RALGAPA1: variants seen among roughly 807,000 people sequenced by gnomAD.
RALGAPA1 encodes Ral GTPase activating protein catalytic subunit alpha 1.
RALGAPA1 carries 52 observed loss-of-function variants against 269.6 expected under a neutral mutation model. That is an observed-to-expected ratio of 0.19 (90% CI 0.15 to 0.24). RALGAPA1 has a LOEUF of 0.24. Among genes scored for constraint, RALGAPA1 ranks in the 10% least tolerant of loss-of-function variants. The probability of loss-of-function intolerance (pLI) is 1.00; values close to 1 mark genes in which losing one functional copy is unlikely to be tolerated. For synonymous variants in RALGAPA1, 817 were observed against 1,008.3 expected (o/e 0.81, Z 3.60); for missense variants, 1,917 against 3,013.9 (o/e 0.64, Z 8.52).
chr14:35,790,593 C>T (rs1452600767), intron 1 of RALGAPA1, among the ~76,000 whole-genome samples: 4 of 147,622 alleles, frequency 2.7e-5, no homozygotes, highest in African/African-American at 5.0e-5. Flanking sequence ...GAGGCTGAGG[C>T]GGGGGAATTG....
chr14:35,669,045 T>C (rs2064184220), intron 26 of RALGAPA1, among the ~76,000 whole-genome samples: 1 of 152,164 alleles, frequency 6.6e-6, no homozygotes, highest in African/African-American at 2.4e-5. Flanking sequence ...ATCTCCATTT[T>C]TACTTAAACA....
chr14:35,779,338 C>A (rs1401331994), intron 1 of RALGAPA1, among the ~76,000 whole-genome samples: 1 of 151,844 alleles, frequency 6.6e-6, no homozygotes. Context: ...TCAGCCTGGG[C>A]AACACATTGA....
chr14:35,659,094 C>G (rs902250297), intron 28 of RALGAPA1, 44 bp downstream of exon 28: 4 of 1,450,764 alleles, frequency 2.8e-6, no homozygotes, highest in African/African-American at 1.4e-5. Flanking sequence ...TCTAAACTTC[C>G]AAACACAAAA....
At chr14:35,753,623 A>T (rs915259298) in intron 7 of RALGAPA1, among the ~76,000 whole-genome samples, 2 of 152,218 alleles carry the variant, frequency 1.3e-5, no homozygotes, top group African/African-American at 4.8e-5. Context: ...TTAACATGAA[A>T]TGTCCAGAAT....
At chr14:35,547,984 C>G (rs1594512970) in intron 41 of RALGAPA1, among the ~76,000 whole-genome samples, 1 of 138,712 alleles carries the variant, frequency 7.2e-6, no homozygotes, top group East Asian at 2.2e-4. Flanking sequence ...ATAAAGAAAA[C>G]TTATTTAATA....
At chr14:35,552,036 A>T (rs1326116718) in intron 39 of RALGAPA1, among the ~76,000 whole-genome samples, 1 of 152,136 alleles carries the variant, frequency 6.6e-6, no homozygotes, top group Non-Finnish European at 1.5e-5. Flanking sequence ...TTAGCTTGGT[A>T]AAATAACTAT....
intron 35 of RALGAPA1, among the ~76,000 whole-genome samples, chr14:35,624,604 AAAG>A (rs2060875242): frequency 6.6e-6 from 1 of 152,180 alleles, no homozygotes; most frequent in Non-Finnish European, 1.5e-5. Context: ...AGAAAAAAAA[AAAG>A]GCTTTTCTCA....
At chr14:35,594,077 C>T (rs1177366312) in intron 37 of RALGAPA1, among the ~76,000 whole-genome samples, 1 of 151,976 alleles carries the variant, frequency 6.6e-6, no homozygotes, top group East Asian at 1.9e-4. Flanking sequence ...GGCATTTCCA[C>T]ACGGAAAAGA....
chr14:35,567,255 G>C (rs1365789578), intron 39 of RALGAPA1, among the ~76,000 whole-genome samples: 2 of 151,908 alleles, frequency 1.3e-5, no homozygotes, highest in Non-Finnish European at 2.9e-5. Flanking sequence ...TGATGAAGTA[G>C]GCCTGAAAAA....
chr14:35,581,497 A>G (rs1435131320), intron 37 of RALGAPA1, among the ~76,000 whole-genome samples: 1 of 152,168 alleles, frequency 6.6e-6, no homozygotes, highest in East Asian at 1.9e-4. Flanking sequence ...ATACATATAG[A>G]GCTGAAACAT....
chr14:35,719,163 T>C (rs1206618629), intron 16 of RALGAPA1, among the ~76,000 whole-genome samples: 3 of 152,046 alleles, frequency 2.0e-5, no homozygotes, highest in African/African-American at 7.2e-5. Context: ...ATCCCATCTC[T>C]ACTAAAAATA....
intron 35 of RALGAPA1, among the ~76,000 whole-genome samples, chr14:35,614,212 C>G (rs12588288): frequency 6.6e-6 from 1 of 152,072 alleles, no homozygotes; most frequent in Admixed American, 6.5e-5. Flanking sequence ...TATCATCCAG[C>G]AATTCTACTC....
intron 4 of RALGAPA1, chr14:35,766,080 T>G: frequency 8.4e-7 from 1 of 1,190,094 alleles, no homozygotes; most frequent in South Asian, 1.2e-5. Context: ...CATATCGGCA[T>G]TCACATGCTA....
chr14:35,600,954 T>C (rs1420483338), intron 36 of RALGAPA1, among the ~76,000 whole-genome samples: 1 of 152,240 alleles, frequency 6.6e-6, no homozygotes, highest in East Asian at 1.9e-4. Flanking sequence ...GTTTGAAGAC[T>C]CTGCTGTATG....
At chr14:35,711,603 A>T (rs1403971272) in intron 16 of RALGAPA1, among the ~76,000 whole-genome samples, 1 of 152,034 alleles carries the variant, frequency 6.6e-6, no homozygotes, top group Admixed American at 6.6e-5. Context: ...GTGAGCCACC[A>T]CACCTGACTA....
chr14:35,605,561 A>G (rs1357216602), intron 36 of RALGAPA1, 25 bp downstream of exon 36: 3 of 1,561,308 alleles, frequency 1.9e-6, no homozygotes, highest in Non-Finnish European at 2.6e-6. Flanking sequence ...AAATATAAAT[A>G]TTTCGTATAA....
chr14:35,599,641 C>T (rs568696187), intron 36 of RALGAPA1, among the ~76,000 whole-genome samples: 2 of 152,106 alleles, frequency 1.3e-5, no homozygotes, highest in East Asian at 1.9e-4. Flanking sequence ...CCAGCTTCGT[C>T]GGGAGGCTGA....
chr14:35,655,903 A>C lies in RALGAPA1; in HGVS notation c.5400T>G (p.Leu1800=). Residue 1800 remains leucine, a synonymous_variant, in exon 29 of 42, where the codon CTT becomes CTG. Coordinates refer to ENST00000680220, the MANE Select transcript of RALGAPA1 (RefSeq NM_001346249.2). ...EPSGPARCVA[L]CSLGIWICEE... ...CACAAATCCAAATACCTAAACTACA[A>C]AGTGCTACACATCTGCAAAAAAGGC... is the stretch of plus-strand genomic sequence containing the variant. 1 of 1,613,414 alleles carries C rather than the reference A, an allele frequency of 6.2e-7. No individual in the cohort carries two copies. The highest frequency in any genetic ancestry group is 8.5e-7 in the Non-Finnish European group (1 of 1,179,626).
intron 23 of RALGAPA1, 111 bp downstream of exon 23, chr14:35,674,405 C>A: frequency 8.1e-7 from 1 of 1,232,432 alleles, no homozygotes; most frequent in South Asian, 1.6e-5. Flanking sequence ...CTTTGCCATG[C>A]AGGGTACCAG....
Sources: allele counts gnomAD v4.1 joint callset (sites outside exome capture counted in the v4.1 genomes callset), GRCh38; gene constraint gnomAD v4.1.1; transcripts MANE v1.5; gene names NCBI Gene and HGNC (gene_info 2026-07-23, HGNC 2026-07-21).